TSPAN33: variants seen among roughly 807,000 people sequenced by gnomAD.
The protein encoded by TSPAN33 is tetraspanin 33, also known as tetraspanin-33.
TSPAN33 carries 27 observed loss-of-function variants against 34.8 expected under a neutral mutation model. That is an observed-to-expected ratio of 0.78 (90% CI 0.57 to 1.07). TSPAN33 has a LOEUF of 1.07. Ranked by LOEUF, TSPAN33 falls within the 50% of genes least tolerant of loss-of-function variation. The probability of loss-of-function intolerance (pLI) is 0.00; values close to 1 mark genes in which losing one functional copy is unlikely to be tolerated. For missense variants in TSPAN33, 272 were observed against 324.9 expected (o/e 0.84, Z 1.25); for synonymous variants, 119 against 124.2 (o/e 0.96, Z 0.28).
chr7:129,156,215 T>G (rs565448681), intron 1 of TSPAN33, among the ~76,000 whole-genome samples: 25 of 152,342 alleles, frequency 1.6e-4, no homozygotes, highest in African/African-American at 5.3e-4. Context: ...GTTATGGCTT[T>G]TGGGAGGAAG....
chr7:129,161,048 G>A (rs764091207), intron 1 of TSPAN33, among the ~76,000 whole-genome samples: 5 of 152,142 alleles, frequency 3.3e-5, no homozygotes, highest in East Asian at 3.8e-4. Flanking sequence ...AGTTTGACTC[G>A]CTCTGAAGAC....
intron 1 of TSPAN33, among the ~76,000 whole-genome samples, chr7:129,160,691 C>T (rs1185161757): frequency 6.6e-6 from 1 of 152,236 alleles, no homozygotes; most frequent in Non-Finnish European, 1.5e-5. Context: ...CATGCACTCA[C>T]ACACAGTCCT....
At chr7:129,164,353 G>C in intron 4 of TSPAN33, 121 bp from the exon 5 acceptor site, 1 of 870,954 alleles carries the variant, frequency 1.1e-6, no homozygotes, top group Non-Finnish European at 1.9e-6. Flanking sequence ...ATTAGGACTC[G>C]GTTCTGATTT....
chr7:129,155,046 G>C (rs779930211), intron 1 of TSPAN33, among the ~76,000 whole-genome samples: 30 of 152,152 alleles, frequency 2.0e-4, no homozygotes, highest in Non-Finnish European at 3.2e-4. Flanking sequence ...AGAAAATATG[G>C]TTCATATACA....
chr7:129,166,481 T>G (rs1793141896), intron 5 of TSPAN33: 1 of 228,170 alleles, frequency 4.4e-6, no homozygotes, highest in Non-Finnish European at 8.4e-6. Flanking sequence ...AGCCAGAAAC[T>G]TCTCTCAAGA....
intron 1 of TSPAN33, among the ~76,000 whole-genome samples, chr7:129,159,070 T>C (rs1229440644): frequency 6.6e-6 from 1 of 150,628 alleles, no homozygotes; most frequent in Non-Finnish European, 1.5e-5. Flanking sequence ...TTTTCTTTCT[T>C]TTTTTTTAGA....
chr7:129,166,856 C>A lies in TSPAN33; in HGVS notation c.538C>A (p.Arg180=). 1 of 1,614,150 alleles carries A rather than the reference C, an allele frequency of 6.2e-7. No homozygotes were observed. Residue 180 remains arginine, a synonymous_variant, in exon 6 of 8, where the codon CGA becomes AGA. Coordinates refer to ENST00000486685, the MANE Select transcript of TSPAN33 (RefSeq NM_178562.5). The stretch of plus-strand genomic sequence containing the variant: ...CAACTGCTCAGAAGACAACCCCAGT[C>A]GAGAGCGCTGCTCTGTGCCTTACTC... ...YFNCSEDNPS[R]ERCSVPYSCC...
chr7:129,155,097 G>T (rs1340488451), intron 1 of TSPAN33, among the ~76,000 whole-genome samples: 1 of 152,158 alleles, frequency 6.6e-6, no homozygotes, highest in Non-Finnish European at 1.5e-5. Flanking sequence ...ATGAAATCCT[G>T]TCATTCGTGA....
intron 1 of TSPAN33, among the ~76,000 whole-genome samples, chr7:129,147,805 C>T (rs1336397456): frequency 1.3e-5 from 2 of 152,318 alleles, no homozygotes; most frequent in South Asian, 2.1e-4. Context: ...ATGGTGGCTA[C>T]GTCTGCTGTT....
In TSPAN33 at chr7:129,145,009, C is replaced by T. The variant is rs2150618357; in HGVS notation, c.29C>T (p.Ala10Val). The T allele has an allele frequency of 1.5e-6, 1 of 688,412 alleles. No individual in the cohort carries two copies. The highest frequency in any genetic ancestry group is 3.1e-5 in the East Asian group (1 of 32,218). The allele number at this position is 688,412 out of a possible 1,614,324, so 42.6% of individuals were successfully genotyped here. A position where few individuals can be genotyped will look rare whatever the true frequency, so the allele number is the denominator to read the frequency against. Reference sequence around the variant, plus strand: ...GCGCGGAGACCCCGGGCGCCGGCCGCCTCCGGGGAGGAGTTCTCCTTCGTC... The same window carrying T: ...GCGCGGAGACCCCGGGCGCCGGCCGTCTCCGGGGAGGAGTTCTCCTTCGTC... MARRPRAPA[A>V]SGEEFSFVSP... The change falls in exon 1 of 8, where the codon GCC (alanine) becomes GTC (valine). Residue 10 changes from alanine (A) to valine (V), a missense_variant. Ala to Val is a moderately conservative substitution (Grantham distance 64, BLOSUM62 0). Coordinates refer to ENST00000486685, the MANE Select transcript of TSPAN33 (RefSeq NM_178562.5).
intron 1 of TSPAN33, among the ~76,000 whole-genome samples, chr7:129,153,311 C>G (rs745476581): frequency 2.3e-4 from 35 of 152,170 alleles, no homozygotes; most frequent in Non-Finnish European, 4.6e-4. Context: ...GCACTGCACC[C>G]TGATGGTGGT....
In TSPAN33 at chr7:129,144,917, G is replaced by A; in HGVS notation, c.-64G>A. On this transcript the variant is annotated 5_prime_UTR_variant, in exon 1 of 8. Coordinates refer to ENST00000486685, the MANE Select transcript of TSPAN33 (RefSeq NM_178562.5). Reference sequence around the variant, plus strand: ...CTCGGCTCATGCCCCCGGGCGCGGGGCACACAGGCCGGCCGGCAGCCGCTG... The same window carrying A: ...CTCGGCTCATGCCCCCGGGCGCGGGACACACAGGCCGGCCGGCAGCCGCTG... 1.3e-5 allele frequency: 5 copies of A among 374,208 alleles called. No homozygotes were observed. Among genetic ancestry groups the A allele is most frequent in the South Asian group, 1.2e-4 (3 of 24,094 alleles). 23.2% of individuals were successfully genotyped at this position (374,208 alleles called of 1,614,324 possible).
chr7:129,155,138 G>A (rs989153931), intron 1 of TSPAN33, among the ~76,000 whole-genome samples: 1 of 152,192 alleles, frequency 6.6e-6, no homozygotes, highest in African/African-American at 2.4e-5. Flanking sequence ...ATTATGTTAA[G>A]TGAATAAGCT....
At chr7:129,147,053 T>G (rs2150619457) in intron 1 of TSPAN33, among the ~76,000 whole-genome samples, 1 of 152,100 alleles carries the variant, frequency 6.6e-6, no homozygotes, top group South Asian at 2.1e-4. Flanking sequence ...CAGACCCATT[T>G]ACCTTGGTAA....
intron 1 of TSPAN33, among the ~76,000 whole-genome samples, chr7:129,149,237 A>G (rs1234963529): frequency 6.6e-6 from 1 of 152,134 alleles, no homozygotes; most frequent in African/African-American, 2.4e-5. Context: ...CAAGTAGAAA[A>G]CCATAAACGT....
chr7:129,149,702 A>T (rs893305461), intron 1 of TSPAN33, among the ~76,000 whole-genome samples: 2 of 152,222 alleles, frequency 1.3e-5, no homozygotes, highest in Admixed American at 6.5e-5. Context: ...CCTTGGAAGA[A>T]CAAAGCCAGC....
At chr7:129,155,190 G>T (rs1207572964) in intron 1 of TSPAN33, among the ~76,000 whole-genome samples, 1 of 152,194 alleles carries the variant, frequency 6.6e-6, no homozygotes, top group Non-Finnish European at 1.5e-5. Context: ...ACTCATATTT[G>T]AGGGCTAAAA....
intron 1 of TSPAN33, among the ~76,000 whole-genome samples, chr7:129,157,451 T>A (rs1210612823): frequency 6.6e-6 from 1 of 152,162 alleles, no homozygotes; most frequent in Non-Finnish European, 1.5e-5. Context: ...TCATTAGTGA[T>A]CATATTAAAT....
intron 4 of TSPAN33, among the ~76,000 whole-genome samples, chr7:129,164,024 C>A (rs192776713): frequency 5.2e-4 from 79 of 152,092 alleles, no homozygotes; most frequent in Admixed American, 1.4e-3. Flanking sequence ...ATTTCGTAGT[C>A]CTCCTGGCTT....
Sources: gnomAD v4.1 joint callset for allele counts (sites outside exome capture counted in the v4.1 genomes callset) on GRCh38, gnomAD v4.1.1 for gene constraint, MANE v1.5 for transcripts, NCBI Gene and HGNC (gene_info 2026-07-23, HGNC 2026-07-21) for gene names.